The following THAP1 variants were observed in gnomAD, a reference collection of about 807,000 sequenced individuals.
The protein encoded by THAP1 is THAP domain-containing protein 1.
Under a neutral mutation model 18.2 loss-of-function variants are expected in THAP1, and 6 were observed. That is an observed-to-expected ratio of 0.33 (90% CI 0.18 to 0.65). The LOEUF is 0.65. Among genes scored for constraint, THAP1 ranks in the 30% least tolerant of loss-of-function variants. The pLI, the probability that THAP1 is intolerant of heterozygous loss-of-function variation, is 0.74. For synonymous variants in THAP1, 85 were observed against 90.5 expected (o/e 0.94, Z 0.34); for missense variants, 176 against 253.0 (o/e 0.70, Z 2.06).
At position 42,839,372 on chromosome 8, in the gene THAP1, A is replaced by G. The variant is rs1258040147; in HGVS notation, c.81T>C (p.Leu27=). 1.9e-6 allele frequency: 3 copies of G among 1,613,870 alleles called. No homozygotes were observed. Among genetic ancestry groups the G allele is most frequent in the Non-Finnish European group, 1.7e-6 (2 of 1,180,006 alleles). Reference sequence around the variant, plus strand: ...ATTCTTTACAAAGACTGGGTCGAGTAAGAGGAAACCTAAGAAGAAGGCATA... The same window carrying G: ...ATTCTTTACAAAGACTGGGTCGAGTGAGAGGAAACCTAAGAAGAAGGCATA... ...DKPVSFHKFP[L]TRPSLCKEWE... is the part of the protein sequence containing the mutation. The change falls in exon 2 of 3, where the codon CTT becomes CTC. Residue 27 remains leucine (L), a synonymous_variant. Transcript: ENST00000254250.
rs1802764639 is a variant in THAP1 at position 42,843,288 on chromosome 8, C to T, written c.-194G>A. The T allele has an allele frequency of 6.1e-6, 4 of 656,904 alleles. No individual in the cohort carries two copies. The South Asian group carries it at 6.5e-5, about 11-fold the overall frequency. The allele number at this position is 656,904 out of a possible 1,614,324, so 40.7% of individuals were successfully genotyped here. On this transcript the variant is annotated 5_prime_UTR_variant, in exon 1 of 3. Coordinates refer to ENST00000254250, the MANE Select transcript of THAP1 (RefSeq NM_018105.3). Reference sequence around the variant, plus strand: ...GCATTAGCAGAAGGACCACAGCCATCGCCCGTCTCCCATCTCCAAGATGGC... The same window carrying T: ...GCATTAGCAGAAGGACCACAGCCATTGCCCGTCTCCCATCTCCAAGATGGC...
chr8:42,842,314 A>G (rs1180259333), intron 1 of THAP1, among the ~76,000 whole-genome samples: 1 of 152,220 alleles, frequency 6.6e-6, no homozygotes, highest in Non-Finnish European at 1.5e-5. Context: ...TACCTACTGG[A>G]TAAGACAGCT....
At chr8:42,842,220 C>A (rs896670334) in intron 1 of THAP1, among the ~76,000 whole-genome samples, 4 of 152,192 alleles carry the variant, frequency 2.6e-5, no homozygotes, top group Admixed American at 2.6e-4. Context: ...TCACATTTTA[C>A]AAGCGTTTAT....
chr8:42,842,980 C>A (rs1230618808), intron 1 of THAP1, 44 bp downstream of exon 1: 8 of 1,533,272 alleles, frequency 5.2e-6, no homozygotes, highest in Non-Finnish European at 7.0e-6. Context: ...CGCGCGCCCC[C>A]ACCCCGGCTG....
chr8:42,839,504 T>G, intron 1 of THAP1, 123 bp from the exon 2 acceptor site: 1 of 1,031,530 alleles, frequency 9.7e-7, no homozygotes, highest in South Asian at 1.5e-5. Context: ...TATTATCCTA[T>G]TGGATTAAAG....
chr8:42,843,183 G>A lies in THAP1; in HGVS notation c.-89C>T, dbSNP rs554789711. On this transcript the variant is annotated 5_prime_UTR_variant, in exon 1 of 3. Coordinates refer to ENST00000254250, the MANE Select transcript of THAP1 (RefSeq NM_018105.3). ...TCGCTGCGCTCGGTTGGATTCCCTCGCTTCTTTTGTAGCTTTGGCCAACAG... is the reference window on the plus strand; with the variant it reads ...TCGCTGCGCTCGGTTGGATTCCCTCACTTCTTTTGTAGCTTTGGCCAACAG... 6.6e-6 allele frequency: 10 copies of A among 1,522,530 alleles called. No individual in the cohort carries two copies. The African/African-American group carries it at 1.4e-4, about 21-fold the overall frequency. 94.3% of individuals were successfully genotyped at this position (1,522,530 alleles called of 1,614,324 possible). A position where few individuals can be genotyped will look rare whatever the true frequency, so the allele number is the denominator to read the frequency against.
chr8:42,837,842 A>T lies in THAP1; in HGVS notation c.*120T>A. 9.0e-7 allele frequency: 1 copy of T among 1,113,698 alleles called. No individual in the cohort carries two copies. Among genetic ancestry groups the T allele is most frequent in the East Asian group, 2.8e-5 (1 of 36,182 alleles). The allele number at this position is 1,113,698 out of a possible 1,614,324, so 69.0% of individuals were successfully genotyped here. ...TATATATAGAATTTTTTTTAAAAAA[A>T]TATTCTGAACTGTTTTTATATAAGT... On this transcript the variant is annotated 3_prime_UTR_variant, in exon 3 of 3. Transcript: ENST00000254250.
Position 42,843,214 on chromosome 8 carries a change from G to A in THAP1, c.-120C>T. 8.0e-7 allele frequency: 1 copy of A among 1,247,156 alleles called. No homozygotes were observed. Among genetic ancestry groups the A allele is most frequent in the Non-Finnish European group, 1.2e-6 (1 of 855,618 alleles). 77.3% of individuals were successfully genotyped at this position (1,247,156 alleles called of 1,614,324 possible). On this transcript the variant is annotated 5_prime_UTR_variant, in exon 1 of 3. Transcript: ENST00000254250. ...TTTGTAGCTTTGGCCAACAGTTACAGTGATGGTGGCCTCCCTCGGGGGTGA... is the reference window on the plus strand; with the variant it reads ...TTTGTAGCTTTGGCCAACAGTTACAATGATGGTGGCCTCCCTCGGGGGTGA...
Position 42,837,952 on chromosome 8 carries a change from T to A in THAP1, c.*10A>T. 1 of 1,611,542 alleles carries A rather than the reference T, an allele frequency of 6.2e-7. No individual in the cohort carries two copies. Among genetic ancestry groups the A allele is most frequent in the Non-Finnish European group, 8.5e-7 (1 of 1,179,998 alleles). On this transcript the variant is annotated 3_prime_UTR_variant, in exon 3 of 3. Coordinates refer to ENST00000254250, the MANE Select transcript of THAP1 (RefSeq NM_018105.3). ...TTGCCCCATTAGAAATCAATACACA[T>A]TTCATTTTTTTATGCTGGTACTTCA...
At chr8:42,841,874 T>G (rs1289398901) in intron 1 of THAP1, among the ~76,000 whole-genome samples, 1 of 151,894 alleles carries the variant, frequency 6.6e-6, no homozygotes, top group African/African-American at 2.4e-5. Context: ...TCTGGAGACC[T>G]CTCTATGTTC....
intron 2 of THAP1, among the ~76,000 whole-genome samples, 173 bp downstream of exon 2, chr8:42,839,013 G>A (rs1330391332): frequency 6.6e-6 from 1 of 152,152 alleles, no homozygotes. Context: ...TTAGTGTGAG[G>A]ATATTTATCT....
intron 1 of THAP1, among the ~76,000 whole-genome samples, chr8:42,840,630 G>A (rs1052009940): frequency 4.6e-5 from 7 of 152,144 alleles, no homozygotes; most frequent in African/African-American, 1.7e-4. Flanking sequence ...AGCACTCTCC[G>A]CTGCCACTAT....
chr8:42,838,241 C>T lies in THAP1; in HGVS notation c.363G>A (p.Pro121=), dbSNP rs202128051. Residue 121 remains proline, a synonymous_variant, in exon 3 of 3, where the codon CCG becomes CCA. Coordinates refer to ENST00000254250, the MANE Select transcript of THAP1 (RefSeq NM_018105.3). ...AGAGATTAACAGGGGTCTGAAGAGG[C>T]GGCATTAGTAATCCAATAGCAGCAT... is the stretch of plus-strand genomic sequence containing the variant. ...QVDAAIGLLM[P]PLQTPVNLSV... is the part of the protein sequence containing the mutation. 4.1e-5 allele frequency: 66 copies of T among 1,613,924 alleles called. No homozygotes were observed. The highest frequency in any genetic ancestry group is 5.3e-5 in the African/African-American group (4 of 74,868).
chr8:42,838,218 A>G lies in THAP1; in HGVS notation c.386T>C (p.Leu129Pro), dbSNP rs1802651069. The change falls in exon 3 of 3, where the codon CTC becomes CCC. Residue 129 changes from leucine (L) to proline (P), a missense_variant. Transcript: ENST00000254250. ...ATAGTTGTGGTCACAGAAAACTGAG[A>G]GATTAACAGGGGTCTGAAGAGGCGG... ...LMPPLQTPVN[L>P]SVFCDHNYTV... 1 of 1,614,052 alleles carries G rather than the reference A, an allele frequency of 6.2e-7. No individual in the cohort carries two copies. Among genetic ancestry groups the G allele is most frequent in the South Asian group, 1.1e-5 (1 of 91,090 alleles).
At chr8:42,841,030 AGGGTAGCATTTG>A (rs1224257546) in intron 1 of THAP1, among the ~76,000 whole-genome samples, 1 of 151,646 alleles carries the variant, frequency 6.6e-6, no homozygotes, top group Non-Finnish European at 1.5e-5. Flanking sequence ...AGTATAAACT[AGGGTAGCATTTG>A]CTGGTAAAAT....
chr8:42,838,743 T>G (rs1038974547), intron 2 of THAP1, among the ~76,000 whole-genome samples: 40 of 152,274 alleles, frequency 2.6e-4, no homozygotes, highest in Non-Finnish European at 2.9e-4. Flanking sequence ...AATACTGACT[T>G]TTTTTGGGAA....
Position 42,839,416 on chromosome 8 carries a change from A to AT in THAP1, c.72-36dup, listed in dbSNP as rs759057359. On this transcript the variant is annotated intron_variant, in intron 1 of 2. Coordinates refer to ENST00000254250, the MANE Select transcript of THAP1 (RefSeq NM_018105.3). ...AGGCATAATTCAATTATCTGTCCTG[A>AT]TTTTTTAAATAAATAAAGGCACCCA... The AT allele has an allele frequency of 1.1e-5, 17 of 1,611,534 alleles. No individual in the cohort carries two copies. In the South Asian group the frequency reaches 1.4e-4, roughly 14 times the overall value.
At chr8:42,841,982 C>CA (rs1410630697) in intron 1 of THAP1, among the ~76,000 whole-genome samples, 1 of 151,906 alleles carries the variant, frequency 6.6e-6, no homozygotes, top group Non-Finnish European at 1.5e-5. Context: ...GGCCCCACAG[C>CA]AAAAAAATAA....
At chr8:42,842,216 T>C (rs1159954799) in intron 1 of THAP1, among the ~76,000 whole-genome samples, 1 of 152,192 alleles carries the variant, frequency 6.6e-6, no homozygotes, top group Non-Finnish European at 1.5e-5. Flanking sequence ...TATGTCACAT[T>C]TTACAAGCGT....
Sources: gnomAD v4.1 joint callset for allele counts (sites outside exome capture counted in the v4.1 genomes callset) on GRCh38, gnomAD v4.1.1 for gene constraint, MANE v1.5 for transcripts, NCBI Gene and HGNC (gene_info 2026-07-23, HGNC 2026-07-21) for gene names.